CLIP4: variants seen among roughly 807,000 people sequenced by gnomAD.
CLIP4 encodes the protein CAP-Gly domain-containing linker protein 4.
In CLIP4, 47 loss-of-function variants were observed where a neutral mutation model predicts 73.1. The ratio of observed to expected loss-of-function variants is 0.64; its 90% CI spans 0.51 to 0.82. CLIP4 has a LOEUF of 0.82. CLIP4 is among the 40% of genes least tolerant of loss of function. The pLI, the probability that CLIP4 is intolerant of heterozygous loss-of-function variation, is 0.00. For synonymous variants in CLIP4, 306 were observed against 295.4 expected (o/e 1.04, Z -0.37); for missense variants, 874 against 852.9 (o/e 1.02, Z -0.31).
chr2:29,111,550 C>A (rs145286345), upstream of CLIP4, among the ~76,000 whole-genome samples: 23 of 152,356 alleles, frequency 1.5e-4, 1 homozygote, highest in African/African-American at 5.5e-4. Flanking sequence ...TTAATGCTTG[C>A]TTGCCATTCT....
Position 29,181,848 on chromosome 2 carries a change from C to G in CLIP4, c.2073C>G (p.Thr691=), listed in dbSNP as rs1252704993. Residue 691 remains threonine (T), a synonymous_variant, in exon 16 of 16, where the codon ACC becomes ACG. Coordinates refer to ENST00000320081, the MANE Select transcript of CLIP4 (RefSeq NM_024692.6). ...TCTTAGTTCGACCGAGCAGAGTGACCTATCGGGGAATTAATGGGTCAAAAC... is the reference window on the plus strand; with the variant it reads ...TCTTAGTTCGACCGAGCAGAGTGACGTATCGGGGAATTAATGGGTCAAAAC... The part of the protein sequence containing the change: ...HGVLVRPSRV[T]YRGINGSKLV... The G allele has an allele frequency of 6.2e-7, 1 of 1,613,752 alleles. No individual in the cohort carries two copies. The highest frequency in any genetic ancestry group is 1.1e-5 in the South Asian group (1 of 91,060).
chr2:29,181,688 GT>G lies in CLIP4; in HGVS notation c.1914del (p.Thr639LeufsTer46). The G allele has an allele frequency of 6.2e-7, 1 of 1,614,178 alleles. No individual in the cohort carries two copies. Among genetic ancestry groups the G allele is most frequent in the East Asian group, 2.2e-5 (1 of 44,882 alleles). ...QVLLTSSNEM[G>X]TVRYVGPTDF... ...CTGCTCACGAGCTCCAATGAGATGG[GT>G]ACTGTTAGGTATGTGGGCCCCACTG... On this transcript the variant is annotated frameshift_variant, in exon 16 of 16. Coordinates refer to ENST00000320081, the MANE Select transcript of CLIP4 (RefSeq NM_024692.6). LOFTEE classifies it high-confidence loss of function.
chr2:29,128,014 TATAGTC>T (rs1245636425), intron 2 of CLIP4, among the ~76,000 whole-genome samples: 2 of 152,172 alleles, frequency 1.3e-5, no homozygotes, highest in Non-Finnish European at 2.9e-5. Context: ...ACATTAATAA[TATAGTC>T]ATACAAAAAT....
intron 12 of CLIP4, among the ~76,000 whole-genome samples, chr2:29,162,940 A>G (rs1454798107): frequency 2.6e-5 from 4 of 152,098 alleles, no homozygotes; most frequent in Admixed American, 6.6e-5. Context: ...CTTGATATCT[A>G]TCTCCTGTTT....
chr2:29,102,142 A>G (rs928535382), intron 1 of CLIP4, among the ~76,000 whole-genome samples: 3 of 152,164 alleles, frequency 2.0e-5, no homozygotes, highest in Admixed American at 6.5e-5. Flanking sequence ...GAGGAAAGCA[A>G]TGAGGGAACT....
chr2:29,124,206 G>C (rs1014596873), intron 2 of CLIP4, among the ~76,000 whole-genome samples: 2 of 152,096 alleles, frequency 1.3e-5, no homozygotes, highest in African/African-American at 4.8e-5. Flanking sequence ...TCTTTCAGCT[G>C]TTTTATGTCT....
At chr2:29,178,818 A>G (rs747929530) in intron 15 of CLIP4, among the ~76,000 whole-genome samples, 7 of 152,138 alleles carry the variant, frequency 4.6e-5, no homozygotes, top group Non-Finnish European at 1.0e-4. Flanking sequence ...TTTATTTGAC[A>G]GAGTCTTGCT....
chr2:29,103,022 A>G (rs1026386823), intron 1 of CLIP4, among the ~76,000 whole-genome samples: 3 of 152,058 alleles, frequency 2.0e-5, no homozygotes, highest in Non-Finnish European at 4.4e-5. Flanking sequence ...CTGGATTTCA[A>G]GATGTTCCCT....
chr2:29,154,956 G>A (rs1394134778), intron 9 of CLIP4, among the ~76,000 whole-genome samples: 1 of 152,140 alleles, frequency 6.6e-6, no homozygotes, highest in Non-Finnish European at 1.5e-5. Flanking sequence ...ATTTAAACAA[G>A]ACCTATTCCA....
intron 8 of CLIP4, among the ~76,000 whole-genome samples, chr2:29,147,278 G>A (rs964858685): frequency 6.6e-6 from 1 of 151,958 alleles, no homozygotes; most frequent in African/African-American, 2.4e-5. Context: ...TTGCCTGTTT[G>A]TATTATTTTC....
intron 1 of CLIP4, among the ~76,000 whole-genome samples, chr2:29,117,488 C>T (rs1272705805): frequency 6.6e-6 from 1 of 152,056 alleles, no homozygotes; most frequent in East Asian, 1.9e-4. Flanking sequence ...GGATTACAGG[C>T]GCCTGCTACC....
intron 8 of CLIP4, 74 bp downstream of exon 8, chr2:29,145,441 A>G: frequency 3.1e-6 from 4 of 1,286,160 alleles, no homozygotes; most frequent in Non-Finnish European, 4.3e-6. Flanking sequence ...CAGTTGTTAA[A>G]TAAAACTTTT....
At chr2:29,132,934 T>G (rs1665080173) in intron 4 of CLIP4, among the ~76,000 whole-genome samples, 1 of 152,184 alleles carries the variant, frequency 6.6e-6, no homozygotes, top group African/African-American at 2.4e-5. Context: ...ACACCTGTAA[T>G]CCCAACACTT....
In CLIP4 at chr2:29,181,915, C is replaced by T. The variant is rs764121276; in HGVS notation, c.*22C>T. Reference sequence around the variant, plus strand: ...TTAAGCTTCTAAAATATTAAATAAGCTCAAATATATATATTTGGTGTAAAT... The same window carrying T: ...TTAAGCTTCTAAAATATTAAATAAGTTCAAATATATATATTTGGTGTAAAT... On this transcript the variant is annotated 3_prime_UTR_variant, in exon 16 of 16. Coordinates refer to ENST00000320081, the MANE Select transcript of CLIP4 (RefSeq NM_024692.6). 1.9e-6 allele frequency: 3 copies of T among 1,543,996 alleles called. No homozygotes were observed. Among genetic ancestry groups the T allele is most frequent in the Non-Finnish European group, 2.6e-6 (3 of 1,136,070 alleles).
intron 15 of CLIP4, 121 bp from the exon 16 acceptor site, chr2:29,181,451 A>G: frequency 1.2e-6 from 1 of 802,490 alleles, no homozygotes; most frequent in Non-Finnish European, 1.9e-6. Context: ...GTGACCATAA[A>G]GTATTCTCTT....
intron 13 of CLIP4, among the ~76,000 whole-genome samples, chr2:29,165,939 T>A (rs72790252): frequency 6.7e-6 from 1 of 149,286 alleles, no homozygotes; most frequent in African/African-American, 2.5e-5. Flanking sequence ...TGGTTTTCTT[T>A]AAGGTGGTGC....
chr2:29,148,930 T>G (rs999181393), intron 8 of CLIP4, among the ~76,000 whole-genome samples: 1 of 152,202 alleles, frequency 6.6e-6, no homozygotes, highest in Admixed American at 6.5e-5. Flanking sequence ...ATTTCTCCCC[T>G]CAAACTTTAT....
intron 15 of CLIP4, 113 bp from the exon 16 acceptor site, chr2:29,181,459 C>T: frequency 1.1e-6 from 1 of 873,018 alleles, no homozygotes; most frequent in Non-Finnish European, 1.7e-6. Flanking sequence ...AAAGTATTCT[C>T]TTTTGGGAAC....
intron 10 of CLIP4, 115 bp from the exon 11 acceptor site, chr2:29,157,089 A>G (rs989248997): frequency 2.2e-5 from 19 of 850,298 alleles, no homozygotes; most frequent in Middle Eastern, 3.3e-4. Context: ...TTGACACTAG[A>G]TAATCCATAA....
Sources: gnomAD v4.1 joint callset for allele counts (sites outside exome capture counted in the v4.1 genomes callset) on GRCh38, gnomAD v4.1.1 for gene constraint, MANE v1.5 for transcripts, NCBI Gene and HGNC (gene_info 2026-07-23, HGNC 2026-07-21) for gene names.